Variants in KSR1 observed in about 807,000 individuals in gnomAD.
The protein encoded by KSR1 is kinase suppressor of ras 1.
In KSR1, 35 loss-of-function variants were observed where a neutral mutation model predicts 92.9. The ratio of observed to expected loss-of-function variants is 0.38; its 90% CI spans 0.29 to 0.50. The LOEUF (loss-of-function observed/expected upper bound fraction) is 0.50, where lower values mean the gene tolerates loss of function less well. KSR1 is among the 20% of genes least tolerant of loss of function. KSR1 has a pLI of 0.94. For missense variants in KSR1, 972 were observed against 1,158.5 expected (o/e 0.84, Z 2.34); for synonymous variants, 467 against 472.6 (o/e 0.99, Z 0.15).
chr17:27,530,632 T>C (rs1469969710), intron 1 of KSR1, among the ~76,000 whole-genome samples: 2 of 152,194 alleles, frequency 1.3e-5, no homozygotes, highest in African/African-American at 2.4e-5. Context: ...TTGTGACATT[T>C]TAAAATGTAT....
chr17:27,593,829 A>G (rs1182491227), intron 9 of KSR1, among the ~76,000 whole-genome samples: 2 of 152,220 alleles, frequency 1.3e-5, no homozygotes, highest in African/African-American at 4.8e-5. Flanking sequence ...GGAGGCTGGG[A>G]AGATCAAGGT....
intron 1 of KSR1, among the ~76,000 whole-genome samples, chr17:27,461,773 T>G (rs2019452177): frequency 6.6e-6 from 1 of 152,216 alleles, no homozygotes; most frequent in African/African-American, 2.4e-5. Flanking sequence ...TGGGAATGCC[T>G]TCTTCCACGT....
At chr17:27,612,032 G>A (rs2073935819) in intron 18 of KSR1, among the ~76,000 whole-genome samples, 1 of 152,110 alleles carries the variant, frequency 6.6e-6, no homozygotes, top group Non-Finnish European at 1.5e-5. Flanking sequence ...TCCTCATAAT[G>A]TTTTTCTTGA....
At chr17:27,466,350 G>C (rs1234194376) in intron 1 of KSR1, among the ~76,000 whole-genome samples, 1 of 152,176 alleles carries the variant, frequency 6.6e-6, no homozygotes, top group Non-Finnish European at 1.5e-5. Context: ...TTTTACAAAG[G>C]GAAATAGGGT....
intron 20 of KSR1, 172 bp from the exon 21 acceptor site, chr17:27,623,142 C>A (rs1462415183): frequency 6.2e-6 from 4 of 641,442 alleles, no homozygotes; most frequent in Non-Finnish European, 1.1e-5. Context: ...GTAGCTGAGG[C>A]CTTGGACGCA....
intron 10 of KSR1, among the ~76,000 whole-genome samples, chr17:27,597,937 G>A (rs1024179635): frequency 3.3e-5 from 5 of 152,236 alleles, no homozygotes; most frequent in Admixed American, 6.5e-5. Context: ...ACCATGTAAA[G>A]TTGGAATTAG....
At chr17:27,464,124 C>T (rs768620504) in intron 1 of KSR1, among the ~76,000 whole-genome samples, 4 of 152,180 alleles carry the variant, frequency 2.6e-5, no homozygotes, top group Non-Finnish European at 5.9e-5. Context: ...TGAGCCACTC[C>T]ATCCTCCTCT....
intron 11 of KSR1, chr17:27,602,054 G>T: frequency 1.2e-6 from 1 of 806,378 alleles, no homozygotes; most frequent in Non-Finnish European, 2.0e-6. Flanking sequence ...CTTGAGATCA[G>T]TGCTTTTTAC....
intron 1 of KSR1, among the ~76,000 whole-genome samples, chr17:27,526,123 T>G (rs1461239142): frequency 6.7e-5 from 10 of 149,122 alleles, no homozygotes; most frequent in Admixed American, 6.7e-5. Flanking sequence ...TCTCTCATGG[T>G]TCTTGTATGA....
intron 1 of KSR1, among the ~76,000 whole-genome samples, chr17:27,505,016 G>A (rs563150826): frequency 2.0e-5 from 3 of 152,312 alleles, no homozygotes; most frequent in African/African-American, 7.2e-5. Flanking sequence ...CATAAAGCCA[G>A]GGAAAGATGC....
intron 2 of KSR1, among the ~76,000 whole-genome samples, chr17:27,563,468 A>G (rs556421469): frequency 4.9e-4 from 74 of 152,152 alleles, no homozygotes; most frequent in African/African-American, 1.6e-3. Flanking sequence ...TGTTGCCCCA[A>G]GCTGGTCTCA....
At chr17:27,613,707 C>T (rs1030694905) in intron 18 of KSR1, among the ~76,000 whole-genome samples, 2 of 152,224 alleles carry the variant, frequency 1.3e-5, no homozygotes, top group African/African-American at 4.8e-5. Context: ...TGTCAGTGGG[C>T]TCAAGATACA....
chr17:27,614,207 C>A (rs549685697), intron 18 of KSR1, among the ~76,000 whole-genome samples: 1 of 152,228 alleles, frequency 6.6e-6, no homozygotes, highest in Admixed American at 6.5e-5. Context: ...TACCTCAAAT[C>A]ATTAACAAAT....
chr17:27,533,047 G>A (rs2070609442), intron 1 of KSR1, among the ~76,000 whole-genome samples: 2 of 152,200 alleles, frequency 1.3e-5, no homozygotes, highest in Middle Eastern at 3.4e-3. Flanking sequence ...GCCCAGCATT[G>A]GCCTGATGGA....
chr17:27,536,847 T>C (rs1253388474), intron 1 of KSR1, among the ~76,000 whole-genome samples: 1 of 152,232 alleles, frequency 6.6e-6, no homozygotes, highest in African/African-American at 2.4e-5. Flanking sequence ...TCTAGGAGAC[T>C]CTATACTCTG....
At position 27,583,049 on chromosome 17, in the gene KSR1, G is replaced by A. The variant is rs1163801825; in HGVS notation, c.924G>A (p.Arg308=). 3 of 1,605,882 alleles carry A rather than the reference G, an allele frequency of 1.9e-6. No homozygotes were observed. The highest frequency in any genetic ancestry group is 2.2e-5 in the South Asian group (2 of 89,558). Residue 308 remains arginine (R), a synonymous_variant, in exon 4 of 21, where the codon CGG becomes CGA. Coordinates refer to ENST00000644974, the MANE Select transcript of KSR1 (RefSeq NM_001394583.1). ...TGCCCAGCTTCCCCACACTCACCCG[G>A]AGCAAGTCCCATGAGTCTCAGCTGG... ...QLLPSFPTLT[R]SKSHESQLGN... is the part of the protein sequence containing the mutation.
chr17:27,607,229 C>G (rs1289579607), intron 14 of KSR1, among the ~76,000 whole-genome samples: 1 of 152,188 alleles, frequency 6.6e-6, no homozygotes, highest in Non-Finnish European at 1.5e-5. Context: ...AACCAATATT[C>G]TCTACCCCTT....
At chr17:27,528,855 C>T (rs1414208449) in intron 1 of KSR1, among the ~76,000 whole-genome samples, 7 of 152,052 alleles carry the variant, frequency 4.6e-5, no homozygotes, top group Admixed American at 3.3e-4. Flanking sequence ...CAGTGAGCTA[C>T]GGTCATGCCA....
intron 1 of KSR1, among the ~76,000 whole-genome samples, chr17:27,528,756 T>A (rs1477783518): frequency 6.6e-6 from 1 of 152,086 alleles, no homozygotes; most frequent in Non-Finnish European, 1.5e-5. Context: ...ATAAAAAAAG[T>A]TAGCTGGGTA....
Sources: gnomAD v4.1 joint callset for allele counts (sites outside exome capture counted in the v4.1 genomes callset) on GRCh38, gnomAD v4.1.1 for gene constraint, MANE v1.5 for transcripts, NCBI Gene and HGNC (gene_info 2026-07-23, HGNC 2026-07-21) for gene names.